MED27: variants seen among roughly 807,000 people sequenced by gnomAD.
MED27 encodes the protein mediator of RNA polymerase II transcription subunit 27.
Under a neutral mutation model 38.2 loss-of-function variants are expected in MED27, and 30 were observed. That is an observed-to-expected ratio of 0.79 (90% CI 0.59 to 1.07). MED27 has a LOEUF of 1.07. Ranked by LOEUF, MED27 falls within the 50% of genes least tolerant of loss-of-function variation. The probability of loss-of-function intolerance (pLI) is 0.00; values close to 1 mark genes in which losing one functional copy is unlikely to be tolerated. For missense variants in MED27, 289 were observed against 397.5 expected, an observed-to-expected ratio of 0.73 and a Z score of 2.32; for synonymous variants, 122 against 153.5, an observed-to-expected ratio of 0.79 and a Z score of 1.52.
intron 4 of MED27, among the ~76,000 whole-genome samples, chr9:131,919,001 C>T (rs774088707): frequency 6.6e-6 from 1 of 152,112 alleles, no homozygotes; most frequent in African/African-American, 2.4e-5. Context: ...CAGAAAACTG[C>T]GGGGTTCAGA....
At chr9:131,882,001 A>G (rs1839056336) in intron 6 of MED27, among the ~76,000 whole-genome samples, 1 of 150,652 alleles carries the variant, frequency 6.6e-6, no homozygotes, top group Non-Finnish European at 1.5e-5. Context: ...TAATCCACCC[A>G]CCTGAGCCTC....
intron 2 of MED27, among the ~76,000 whole-genome samples, chr9:132,055,371 C>T (rs1026454377): frequency 1.3e-5 from 2 of 152,214 alleles, no homozygotes; most frequent in Non-Finnish European, 2.9e-5. Context: ...TGCAACTCTG[C>T]AGGCCTAAGC....
rs552015484 is a variant in MED27, at chr9:131,865,335, T to C, written c.724-2195A>G. On this transcript the variant is annotated intron_variant, in intron 6 of 7. Transcript: ENST00000292035. ...AACTTTGCAAAATGACTGGTGGTAA[T>C]TGGCGGGGGGACATTAATGGCTACG... 1.4e-4 allele frequency among the ~76,000 whole-genome samples: 22 copies of C among 152,282 alleles called. No homozygotes were observed. The East Asian group carries it at 4.2e-3, about 29-fold the overall frequency.
intron 3 of MED27, among the ~76,000 whole-genome samples, chr9:131,966,407 G>GAAAAAAAAAAA (rs1831351233): frequency 4.9e-5 from 3 of 61,176 alleles, no homozygotes; most frequent in African/African-American, 6.7e-5. Context: ...AAAAGGAAAG[G>GAAAAAAAAAAA]AAAGGGAAAA....
intron 4 of MED27, among the ~76,000 whole-genome samples, chr9:131,939,098 CA>C (rs1341648118): frequency 6.6e-6 from 1 of 152,066 alleles, no homozygotes. Context: ...ACAGATTCGC[CA>C]AAACATTGGG....
intron 4 of MED27, among the ~76,000 whole-genome samples, chr9:131,898,712 G>A (rs1201870188): frequency 6.6e-6 from 1 of 151,194 alleles, no homozygotes; most frequent in East Asian, 2.0e-4. Context: ...GCCTTTTCTA[G>A]TTGCTGGGAT....
chr9:132,004,544 G>A (rs958554130), intron 3 of MED27, among the ~76,000 whole-genome samples: 6 of 152,092 alleles, frequency 3.9e-5, no homozygotes, highest in Non-Finnish European at 5.9e-5. Context: ...CTGTAGCAGC[G>A]CACTGCAAGA....
chr9:132,041,262 T>C (rs1265201677), intron 2 of MED27, among the ~76,000 whole-genome samples: 1 of 151,624 alleles, frequency 6.6e-6, no homozygotes, highest in African/African-American at 2.4e-5. Flanking sequence ...AGTGGGAGAG[T>C]AGACAGTCAT....
chr9:131,890,879 C>T (rs776637757), intron 5 of MED27, among the ~76,000 whole-genome samples: 2 of 152,336 alleles, frequency 1.3e-5, no homozygotes, highest in African/African-American at 2.4e-5. Context: ...GGGCAAAGTT[C>T]GCTTTGTGCA....
At chr9:132,034,704 G>A (rs1465933376) in intron 2 of MED27, among the ~76,000 whole-genome samples, 2 of 152,106 alleles carry the variant, frequency 1.3e-5, no homozygotes, top group African/African-American at 2.4e-5. Context: ...GGCACCCAGG[G>A]GGTTCAGGAA....
Position 131,871,364 on chromosome 9 carries a change from G to A in MED27, c.724-8224C>T, listed in dbSNP as rs181439906. ...GGTTTGTTCTGTAGCAGTAAGGGAA[G>A]AATAAAGGACACTGTAATGACACAG... On this transcript the variant is annotated intron_variant, in intron 6 of 7. Coordinates refer to ENST00000292035, the MANE Select transcript of MED27 (RefSeq NM_004269.4). 3.9e-5 allele frequency among the ~76,000 whole-genome samples: 6 copies of A among 152,310 alleles called. No individual in the cohort carries two copies. In the East Asian group the frequency reaches 1.2e-3, roughly 29 times the overall value.
chr9:132,065,019 C>A (rs1384180664), intron 2 of MED27, among the ~76,000 whole-genome samples: 1 of 152,102 alleles, frequency 6.6e-6, no homozygotes, highest in African/African-American at 2.4e-5. Flanking sequence ...AGAACAGCAA[C>A]TGGAATATAG....
intron 2 of MED27, among the ~76,000 whole-genome samples, chr9:132,048,430 T>C (rs1833387688): frequency 6.6e-6 from 1 of 152,116 alleles, no homozygotes; most frequent in African/African-American, 2.4e-5. Flanking sequence ...TCCTCCTTAT[T>C]AGGGAAAAAA....
chr9:131,943,989 A>G (rs1299396857), intron 3 of MED27, among the ~76,000 whole-genome samples: 2 of 152,098 alleles, frequency 1.3e-5, no homozygotes, highest in East Asian at 3.8e-4. Context: ...CCTTTGCCCT[A>G]GCTGCGGTAA....
chr9:132,003,489 G>C lies in MED27; in HGVS notation c.479+10848C>G, dbSNP rs925903855. Among the ~76,000 whole-genome samples the C allele has an allele frequency of 2.6e-5, 4 of 152,192 alleles. No individual in the cohort carries two copies. Among genetic ancestry groups the C allele is most frequent in the African/African-American group, 9.7e-5 (4 of 41,434 alleles). ...AGAACCAGACACTAAGGGCCACAAG[G>C]GGCACGTGACAGTTGGGCCTGAAGG... is the stretch of plus-strand genomic sequence containing the variant. On this transcript the variant is annotated intron_variant, in intron 3 of 7. Transcript: ENST00000292035. The surrounding 1 kb of genome is among the most constrained non-coding windows in gnomAD (Gnocchi z 4.2).
intron 3 of MED27, among the ~76,000 whole-genome samples, chr9:131,964,539 C>G (rs971377869): frequency 6.6e-6 from 1 of 151,976 alleles, no homozygotes; most frequent in Non-Finnish European, 1.5e-5. Flanking sequence ...ACAAATCACT[C>G]TAGCCAAGTA....
chr9:131,874,793 G>A (rs116295613), intron 6 of MED27, among the ~76,000 whole-genome samples: 2,269 of 152,318 alleles, frequency 0.015, 46 homozygotes, highest in African/African-American at 0.046. Context: ...ATGGTAAAAC[G>A]TCAGTTTCTG....
intron 2 of MED27, among the ~76,000 whole-genome samples, chr9:132,029,860 G>C (rs1832914846): frequency 6.6e-6 from 1 of 150,882 alleles, no homozygotes; most frequent in African/African-American, 2.4e-5. Context: ...AAAAAAAAGT[G>C]TCGGTGTGTG....
At chr9:131,973,650 G>A (rs11243586) in intron 3 of MED27, among the ~76,000 whole-genome samples, 63,347 of 151,214 alleles carry the variant, frequency 0.42, 14,592 homozygotes, top group African/African-American at 0.62. Context: ...GGGAGCAGCC[G>A]GAGGAAGAAC....
Sources: allele counts gnomAD v4.1 joint callset (sites outside exome capture counted in the v4.1 genomes callset), GRCh38; gene constraint gnomAD v4.1.1; non-coding constraint Gnocchi (gnomAD v3.1); transcripts MANE v1.5; gene names NCBI Gene and HGNC (gene_info 2026-07-23, HGNC 2026-07-21).